COL6A3: variants seen among roughly 807,000 people sequenced by gnomAD.
COL6A3 encodes the protein collagen alpha-3(VI) chain.
A neutral mutation model predicts 274.1 loss-of-function variants in COL6A3; 137 were observed. The observed-to-expected ratio is 0.50, with a 90% CI of 0.44 to 0.58. The LOEUF (loss-of-function observed/expected upper bound fraction) is 0.58. Among genes scored for constraint, COL6A3 ranks in the 20% least tolerant of loss-of-function variants. COL6A3 has a pLI of 0.00. For synonymous variants in COL6A3, 1,650 were observed against 1,650.6 expected (o/e 1.00, Z 0.01); for missense variants, 3,950 against 4,124.9 (o/e 0.96, Z 1.16).
chr2:237,358,396 A>G (rs2077363976), intron 21 of COL6A3, 125 bp downstream of exon 21: 7 of 842,660 alleles, frequency 8.3e-6, no homozygotes, highest in South Asian at 2.8e-5. Flanking sequence ...GAAAAAGACA[A>G]AGCACATATT....
At chr2:237,400,509 A>G (rs2078563410) in intron 1 of COL6A3, among the ~76,000 whole-genome samples, 1 of 152,214 alleles carries the variant, frequency 6.6e-6, no homozygotes, top group African/African-American at 2.4e-5. Context: ...CTAGAAAAAA[A>G]ATAGATATTT....
chr2:237,409,770 C>T (rs1245717898), intron 1 of COL6A3, among the ~76,000 whole-genome samples: 1 of 152,108 alleles, frequency 6.6e-6, no homozygotes. Context: ...TCACGAGCAC[C>T]CTTACAGTTC....
At chr2:237,353,046 C>T (rs2077240777) in intron 25 of COL6A3, among the ~76,000 whole-genome samples, 1 of 152,140 alleles carries the variant, frequency 6.6e-6, no homozygotes, top group Admixed American at 6.5e-5. Context: ...TAAATGATTC[C>T]ATTTATACAA....
Position 237,374,618 on chromosome 2 carries a change from C to T in COL6A3, c.3473G>A (p.Gly1158Asp). 2 of 1,614,196 alleles carry T rather than the reference C, an allele frequency of 1.2e-6. No homozygotes were observed. The highest frequency in any genetic ancestry group is 1.7e-6 in the Non-Finnish European group (2 of 1,180,052). Residue 1158 changes from glycine (G) to aspartate (D), a missense_variant, in exon 8 of 44, where the codon GGT becomes GAT. Physicochemically the swap from Gly to Asp is moderately conservative, Grantham distance 94. Coordinates refer to ENST00000295550, the MANE Select transcript of COL6A3 (RefSeq NM_004369.4). This position sits in a 1 kb window ranked among gnomAD's most constrained non-coding sequence, Gnocchi z 4.8. ...VRNPSVVVKR[G>D]GAVPIGIGIG... ...GCCAATGCCAATGGGCACAGCCCCA[C>T]CCCTCTTCACGACCACGGAGGGGTT...
chr2:237,386,840 T>C (rs2078155042), intron 4 of COL6A3, among the ~76,000 whole-genome samples: 1 of 152,228 alleles, frequency 6.6e-6, no homozygotes, highest in African/African-American at 2.4e-5. Flanking sequence ...GAGGAGGCTA[T>C]GCATCCTGAT....
At position 237,365,930 on chromosome 2, in the gene COL6A3, A is replaced by C; in HGVS notation, c.5606T>G (p.Ile1869Ser). 6.2e-7 allele frequency: 1 copy of C among 1,614,140 alleles called. No individual in the cohort carries two copies. Among genetic ancestry groups the C allele is most frequent in the South Asian group, 1.1e-5 (1 of 91,082 alleles). The change falls in exon 12 of 44, where the codon ATC becomes AGC. Residue 1869 changes from isoleucine (I) to serine (S), a missense_variant. Transcript: ENST00000295550. The stretch of plus-strand genomic sequence containing the variant: ...GCAGCTGACCCTGTGCATCTGGCTG[A>C]TTCTGTTCAAGATGGCGTCCACCTT... The part of the protein sequence containing the change: ...ESKVDAILNR[I>S]SQMHRVSCSG...
rs1221822227 is a variant in COL6A3, at chr2:237,364,720, G to A, written c.5839-292C>T. ...AAGATGTAGTTTCTGCGAATCATAT[G>A]CATATGTGTGCATGCATGTGTGCGT... On this transcript the variant is annotated intron_variant, in intron 12 of 43. Transcript: ENST00000295550. This position sits in a 1 kb window ranked among gnomAD's most constrained non-coding sequence, Gnocchi z 4.6. Among the ~76,000 whole-genome samples, 1 of 151,334 alleles carries A rather than the reference G, an allele frequency of 6.6e-6. No individual in the cohort carries two copies. The highest frequency in any genetic ancestry group is 1.5e-5 in the Non-Finnish European group (1 of 67,744).
At chr2:237,380,561 TGAG>T (rs2077976251) in intron 5 of COL6A3, among the ~76,000 whole-genome samples, 1 of 152,128 alleles carries the variant, frequency 6.6e-6, no homozygotes, top group Non-Finnish European at 1.5e-5. Context: ...ATCCTGGTGA[TGAG>T]GAGGAGACTG....
Position 237,345,087 on chromosome 2 carries a change from G to C in COL6A3, c.7133C>G (p.Ala2378Gly). The change falls in exon 34 of 44, where the codon GCC becomes GGC. Residue 2378 changes from alanine to glycine, a missense_variant. By Grantham distance (60) the Ala-to-Gly change is moderately conservative. Coordinates refer to ENST00000295550, the MANE Select transcript of COL6A3 (RefSeq NM_004369.4). Reference sequence around the variant, plus strand: ...TTTATCTTTGATGCTTTGGATGAGGGCACATTGCTTTAAAAGAAAATAAAA... The same window carrying C: ...TTTATCTTTGATGCTTTGGATGAGGCCACATTGCTTTAAAAGAAAATAAAA... Reference protein sequence around the residue: ...GNRGDSIDQCALIQSIKDKCP... With the variant: ...GNRGDSIDQCGLIQSIKDKCP... The C allele has an allele frequency of 3.7e-6, 6 of 1,614,084 alleles. No homozygotes were observed. Among genetic ancestry groups the C allele is most frequent in the Non-Finnish European group, 5.1e-6 (6 of 1,179,972 alleles).
At chr2:237,332,196 C>A (rs1300514105) in intron 42 of COL6A3, among the ~76,000 whole-genome samples, 1 of 146,260 alleles carries the variant, frequency 6.8e-6, no homozygotes, top group African/African-American at 2.5e-5. Flanking sequence ...ACTGTTTATA[C>A]AATCTTGTCC....
chr2:237,366,598 C>T, intron 11 of COL6A3, 89 bp downstream of exon 11: 1 of 1,602,144 alleles, frequency 6.2e-7, no homozygotes, highest in Non-Finnish European at 8.5e-7. Context: ...TGCCTAAGGA[C>T]TCCAGAGGTC....
At position 237,354,888 on chromosome 2, in the gene COL6A3, A is replaced by G; in HGVS notation, c.6627+11T>C. On this transcript the variant is annotated intron_variant, in intron 24 of 43. Transcript: ENST00000295550. ...GAAGAGAGTCTCCAGGGGGCACTGC[A>G]TGAGGCTCACCTTAGCTCCGGGGGG... 6.2e-7 allele frequency: 1 copy of G among 1,613,374 alleles called. No individual in the cohort carries two copies.
chr2:237,388,915 G>A (rs1321952561), intron 3 of COL6A3, among the ~76,000 whole-genome samples: 1 of 152,138 alleles, frequency 6.6e-6, no homozygotes, highest in East Asian at 1.9e-4. Flanking sequence ...GATTGGGCAG[G>A]ATGTTTTGTT....
intron 24 of COL6A3, 91 bp downstream of exon 24, chr2:237,354,808 G>C: frequency 2.7e-6 from 3 of 1,091,774 alleles, no homozygotes; most frequent in South Asian, 1.7e-5. Flanking sequence ...CGAAGCTTTG[G>C]GTTCACAGGA....
chr2:237,405,492 T>C (rs2078696840), intron 1 of COL6A3, among the ~76,000 whole-genome samples: 1 of 152,036 alleles, frequency 6.6e-6, no homozygotes, highest in African/African-American at 2.4e-5. Context: ...CCGCGCTCAT[T>C]CCCCGACACC....
intron 40 of COL6A3, among the ~76,000 whole-genome samples, chr2:237,335,158 T>G (rs766706516): frequency 6.6e-6 from 1 of 152,164 alleles, no homozygotes; most frequent in African/African-American, 2.4e-5. Context: ...GTTAAGAAGA[T>G]ACTTTGGAAA....
At chr2:237,363,167 T>G in intron 14 of COL6A3, 86 bp downstream of exon 14, 8 of 1,209,136 alleles carry the variant, frequency 6.6e-6, no homozygotes, top group Non-Finnish European at 9.6e-6. Flanking sequence ...TCCATTCACC[T>G]GCTGATAATT....
chr2:237,336,019 C>T, intron 40 of COL6A3, 116 bp downstream of exon 40: 1 of 1,328,556 alleles, frequency 7.5e-7, no homozygotes, highest in Non-Finnish European at 1.1e-6. Flanking sequence ...TCCAGGTGTA[C>T]AAGCCCAGAT....
Position 237,359,811 on chromosome 2 carries a change from A to C in COL6A3, c.6282+277T>G, listed in dbSNP as rs2645768. Among the ~76,000 whole-genome samples the C allele has an allele frequency of 0.33, 50,887 of 151,928 alleles. 10,272 individuals carry two copies. The highest frequency in any genetic ancestry group is 0.57 in the African/African-American group (23,609 of 41,454). On this transcript the variant is annotated intron_variant, in intron 17 of 43. Transcript: ENST00000295550. ...GGGCCGGGGCCGTGGGCACCAGCCTACCCTCCGCCCTGGCCCATGTTCTCT... is the reference window on the plus strand; with the variant it reads ...GGGCCGGGGCCGTGGGCACCAGCCTCCCCTCCGCCCTGGCCCATGTTCTCT...
Sources: gnomAD v4.1 joint callset for allele counts (sites outside exome capture counted in the v4.1 genomes callset) on GRCh38, gnomAD v4.1.1 for gene constraint, Gnocchi (gnomAD v3.1) non-coding constraint, MANE v1.5 for transcripts, NCBI Gene and HGNC (gene_info 2026-07-23, HGNC 2026-07-21) for gene names.